ADCY8: variants seen among roughly 807,000 people sequenced by gnomAD.
ADCY8 encodes adenylate cyclase type 8.
A neutral mutation model predicts 119.7 loss-of-function variants in ADCY8; 51 were observed. The observed-to-expected ratio is 0.43, with a 90% CI of 0.34 to 0.54. The LOEUF (loss-of-function observed/expected upper bound fraction) is 0.54. Among genes scored for constraint, ADCY8 ranks in the 20% least tolerant of loss-of-function variants. The probability of loss-of-function intolerance (pLI) is 0.03; values close to 1 mark genes in which losing one functional copy is unlikely to be tolerated. For synonymous variants in ADCY8, 665 were observed against 651.0 expected, an observed-to-expected ratio of 1.02 and a Z score of -0.33; for missense variants, 1,383 against 1,598.8, an observed-to-expected ratio of 0.87 and a Z score of 2.30.
In ADCY8 at chr8:130,884,655, T is replaced by A. The variant is rs749728082; in HGVS notation, c.2018A>T (p.His673Leu). 1.9e-6 allele frequency: 3 copies of A among 1,613,918 alleles called. No individual in the cohort carries two copies. The highest frequency in any genetic ancestry group is 2.2e-5 in the South Asian group (2 of 91,090). ...ATCGCCACTCCGCAAGTCGATGGTA[T>A]GTTCTATTCTCTTGTTAATTTCCTC... ...GPEEINKRIE[H>L]TIDLRSGDKL... Residue 673 changes from histidine (H) to leucine (L), a missense_variant, in exon 8 of 18, where the codon CAT (histidine) becomes CTT (leucine). Around this residue, in one of 2 missense-constraint regions of ADCY8, gnomAD observed 928 missense variants for 1,163.5 expected, o/e 0.80. Transcript: ENST00000286355.
At chr8:131,003,460 C>A (rs1413662914) in intron 1 of ADCY8, among the ~76,000 whole-genome samples, 1 of 152,124 alleles carries the variant, frequency 6.6e-6, no homozygotes, top group Admixed American at 6.5e-5. Context: ...AAACAAGTAG[C>A]CATAATTATT....
intron 2 of ADCY8, among the ~76,000 whole-genome samples, chr8:130,986,876 GA>G: frequency 6.6e-6 from 1 of 152,198 alleles, no homozygotes; most frequent in Non-Finnish European, 1.5e-5. Context: ...TTCCACTTAA[GA>G]GGTTCACAAT....
rs558925708 is a variant in ADCY8, at chr8:130,965,773, TTA to T, written c.1111-13777_1111-13776del. Among the ~76,000 whole-genome samples the T allele has an allele frequency of 4.6e-3, 705 of 152,350 alleles. 6 individuals are homozygous for T. Among genetic ancestry groups the T allele is most frequent in the African/African-American group, 0.016 (684 of 41,588 alleles). On this transcript the variant is annotated intron_variant, in intron 2 of 17. Transcript: ENST00000286355. ...AAGAATAGATAATAAATTTATCATT[TTA>T]TGTTTAAGTTACAAATAAAAGGTTT...
At chr8:130,838,891 A>G (rs1817065015) in intron 11 of ADCY8, among the ~76,000 whole-genome samples, 1 of 140,734 alleles carries the variant, frequency 7.1e-6, no homozygotes, top group African/African-American at 2.4e-5. Context: ...ACCAAATGCA[A>G]TGTGGGTACA....
intron 14 of ADCY8, among the ~76,000 whole-genome samples, chr8:130,808,595 G>A (rs1415645709): frequency 1.3e-5 from 2 of 152,182 alleles, no homozygotes; most frequent in African/African-American, 4.8e-5. Flanking sequence ...AGTGAAAGGA[G>A]GAACCAGAAC....
At chr8:131,004,773 G>A (rs931244441) in intron 1 of ADCY8, among the ~76,000 whole-genome samples, 2 of 152,164 alleles carry the variant, frequency 1.3e-5, no homozygotes, top group Non-Finnish European at 2.9e-5. Flanking sequence ...CTAGGGGAGA[G>A]ACTAAAGGGC....
chr8:130,851,991 T>C (rs1181404891), intron 9 of ADCY8, among the ~76,000 whole-genome samples: 2 of 152,010 alleles, frequency 1.3e-5, no homozygotes, highest in Non-Finnish European at 2.9e-5. Context: ...TGCCCAAGGA[T>C]AGTGTGTACA....
chr8:130,928,120 G>T (rs1820526696), intron 5 of ADCY8, among the ~76,000 whole-genome samples: 1 of 152,160 alleles, frequency 6.6e-6, no homozygotes, highest in African/African-American at 2.4e-5. Context: ...ACCTGTGGCT[G>T]CCGAAGAGAA....
chr8:130,871,625 A>G (rs1818360687), intron 8 of ADCY8, among the ~76,000 whole-genome samples: 1 of 152,102 alleles, frequency 6.6e-6, no homozygotes, highest in African/African-American at 2.4e-5. Flanking sequence ...TTGCCTTTTC[A>G]ATGGTGTTGC....
intron 2 of ADCY8, among the ~76,000 whole-genome samples, chr8:130,972,598 C>G (rs1254059637): frequency 2.6e-5 from 4 of 152,080 alleles, no homozygotes; most frequent in Non-Finnish European, 5.9e-5. Context: ...CTTAAATGAT[C>G]AAGGCAACCA....
chr8:131,012,808 G>A (rs1404384509), intron 1 of ADCY8, among the ~76,000 whole-genome samples: 1 of 152,334 alleles, frequency 6.6e-6, no homozygotes, highest in East Asian at 1.9e-4. Context: ...TGTGGTCTCT[G>A]TTGAAATTGC....
rs1817280232 is a variant in ADCY8, at chr8:130,845,872, G to A, written c.2502+1552C>T. Among the ~76,000 whole-genome samples the A allele has an allele frequency of 2.0e-5, 3 of 152,260 alleles. No individual in the cohort carries two copies. In the South Asian group the frequency reaches 6.2e-4, roughly 32 times the overall value. On this transcript the variant is annotated intron_variant, in intron 11 of 17. Transcript: ENST00000286355. ...GGAAGGAAGGATAGAAAGAAGAAGG[G>A]AGGGAAAGAAGTGAGGAAGAAATAA...
chr8:130,809,097 C>A lies in ADCY8; in HGVS notation c.2913+4972G>T, dbSNP rs146763041. On this transcript the variant is annotated intron_variant, in intron 14 of 17. Coordinates refer to ENST00000286355, the MANE Select transcript of ADCY8 (RefSeq NM_001115.3). ...CAGAATGTTGGTGTGGGTAACACTGCCTTGGACAGAATGCTTCTGGGTGTG... is the reference window on the plus strand; with the variant it reads ...CAGAATGTTGGTGTGGGTAACACTGACTTGGACAGAATGCTTCTGGGTGTG... 3.0e-3 allele frequency among the ~76,000 whole-genome samples: 455 copies of A among 152,272 alleles called. 2 individuals carry two copies. The highest frequency in any genetic ancestry group is 0.011 in the South Asian group (52 of 4,820).
chr8:130,781,434 G>C (rs1019685592), intron 17 of ADCY8, among the ~76,000 whole-genome samples: 15 of 152,174 alleles, frequency 9.9e-5, no homozygotes, highest in Admixed American at 2.6e-4. Flanking sequence ...GAGCGGGAGG[G>C]CTCGTTCTGA....
At position 130,895,368 on chromosome 8, in the gene ADCY8, T is replaced by C. The variant is rs572465163; in HGVS notation, c.1911+8404A>G. Among the ~76,000 whole-genome samples, 8 of 152,230 alleles carry C rather than the reference T, an allele frequency of 5.3e-5. No homozygotes were observed. The South Asian group carries it at 1.7e-3, about 32-fold the overall frequency. On this transcript the variant is annotated intron_variant, in intron 7 of 17. Coordinates refer to ENST00000286355, the MANE Select transcript of ADCY8 (RefSeq NM_001115.3). ...CATGATGTATGCTTGACAACCTAAA[T>C]GTGTATTTTTCATGTCTGTGGTTAT...
At chr8:130,812,443 T>C (rs1292662810) in intron 14 of ADCY8, among the ~76,000 whole-genome samples, 1 of 152,210 alleles carries the variant, frequency 6.6e-6, no homozygotes, top group Admixed American at 6.5e-5. Context: ...GCAGGTGTAA[T>C]TAAGATGAGG....
At chr8:130,919,122 A>T (rs541510684) in intron 5 of ADCY8, among the ~76,000 whole-genome samples, 50 of 152,286 alleles carry the variant, frequency 3.3e-4, no homozygotes, top group African/African-American at 1.2e-3. Flanking sequence ...CTGTTTAAAC[A>T]GAGCTCTGTG....
intron 9 of ADCY8, among the ~76,000 whole-genome samples, chr8:130,862,815 T>C (rs571176933): frequency 8.5e-5 from 13 of 152,340 alleles, no homozygotes; most frequent in Non-Finnish European, 1.6e-4. Context: ...TATCTTTCTA[T>C]TATTGAATTT....
chr8:130,974,431 T>C (rs1475884531), intron 2 of ADCY8, among the ~76,000 whole-genome samples: 4 of 152,230 alleles, frequency 2.6e-5, no homozygotes, highest in Non-Finnish European at 5.9e-5. Context: ...ATTTTTTAAA[T>C]TGGAGTTTGT....
Sources: allele counts gnomAD v4.1 joint callset (sites outside exome capture counted in the v4.1 genomes callset), GRCh38; gene constraint gnomAD v4.1.1; regional missense constraint gnomAD v4.1.1; transcripts MANE v1.5; gene names NCBI Gene and HGNC (gene_info 2026-07-23, HGNC 2026-07-21).